The following FAM219A variants were observed in gnomAD, a reference collection of about 807,000 sequenced individuals.
FAM219A encodes the protein family with sequence similarity 219 member A.
FAM219A carries 7 observed loss-of-function variants against 23.4 expected under a neutral mutation model. The ratio of observed to expected loss-of-function variants is 0.30; its 90% confidence interval spans 0.17 to 0.56. The LOEUF (loss-of-function observed/expected upper bound fraction) is 0.56, where lower values mean the gene tolerates loss of function less well. Ranked by LOEUF, FAM219A falls within the 20% of genes least tolerant of loss-of-function variation. The pLI, the probability that FAM219A is intolerant of heterozygous loss-of-function variation, is 0.92. For synonymous variants in FAM219A, 93 were observed against 99.0 expected (o/e 0.94, Z 0.36); for missense variants, 166 against 246.9 (o/e 0.67, Z 2.20).
intron 2 of FAM219A, among the ~76,000 whole-genome samples, chr9:34,404,520 C>T (rs1316930020): frequency 6.6e-6 from 1 of 152,156 alleles, no homozygotes; most frequent in African/African-American, 2.4e-5. Flanking sequence ...CCAGCCTGGC[C>T]AACATGGCGA....
At chr9:34,454,989 C>A (rs1349464162) in intron 1 of FAM219A, among the ~76,000 whole-genome samples, 2 of 152,106 alleles carry the variant, frequency 1.3e-5, no homozygotes, top group African/African-American at 4.8e-5. Context: ...TCCCTTGAGG[C>A]TTAATGAGTC....
chr9:34,450,720 C>T (rs1823535528), intron 1 of FAM219A, among the ~76,000 whole-genome samples: 1 of 152,182 alleles, frequency 6.6e-6, no homozygotes. Context: ...CCGGCCAATT[C>T]AATAAACCTT....
chr9:34,413,842 TC>T (rs1261679300), intron 1 of FAM219A, among the ~76,000 whole-genome samples: 7 of 152,018 alleles, frequency 4.6e-5, no homozygotes, highest in Admixed American at 4.6e-4. Context: ...AAATGGGAAG[TC>T]AGGGAAGGTG....
At chr9:34,410,405 C>T (rs553258089) in intron 1 of FAM219A, among the ~76,000 whole-genome samples, 4 of 152,078 alleles carry the variant, frequency 2.6e-5, no homozygotes, top group African/African-American at 9.7e-5. Context: ...AAGGCTCATG[C>T]CTGGAGTCTT....
At chr9:34,402,139 AC>A in intron 4 of FAM219A, 2 of 1,448,764 alleles carry the variant, frequency 1.4e-6, no homozygotes, top group Non-Finnish European at 1.8e-6. Context: ...ATTAGGGACA[AC>A]CATTGGATCA....
chr9:34,458,306 G>T lies in FAM219A; in HGVS notation c.-43C>A. On this transcript the variant is annotated 5_prime_UTR_variant, in exon 1 of 6. Transcript: ENST00000651358. The surrounding 1 kb of genome is among the most constrained non-coding windows in gnomAD (Gnocchi z 6.6). ...GGGCCAGGGGCCGGGCGCGGCCGCGGACGCCGACAGGACCGCGCGGGGCGG... is the reference window on the plus strand; with the variant it reads ...GGGCCAGGGGCCGGGCGCGGCCGCGTACGCCGACAGGACCGCGCGGGGCGG... 7.6e-7 allele frequency: 1 copy of T among 1,322,084 alleles called. No individual in the cohort carries two copies. Among genetic ancestry groups the T allele is most frequent in the East Asian group, 3.2e-5 (1 of 30,952 alleles). The allele number at this position is 1,322,084 out of a possible 1,614,324, so 81.9% of individuals were successfully genotyped here.
In FAM219A at chr9:34,427,255, T is replaced by C. The variant is rs369268831; in HGVS notation, c.61-21291A>G. Among the ~76,000 whole-genome samples, 5 of 152,194 alleles carry C rather than the reference T, an allele frequency of 3.3e-5. No homozygotes were observed. In the East Asian group the frequency reaches 7.7e-4, roughly 24 times the overall value. The stretch of plus-strand genomic sequence containing the variant: ...GGCGCAATCTCGGCTCACTGCAGCC[T>C]CAGCCTCCTGGGCTCAAGTGATCCA... On this transcript the variant is annotated intron_variant, in intron 1 of 5. Coordinates refer to ENST00000651358, the MANE Select transcript of FAM219A (RefSeq NM_001184940.2).
chr9:34,405,749 C>T, intron 2 of FAM219A, 116 bp downstream of exon 2: 2 of 1,024,146 alleles, frequency 2.0e-6, no homozygotes, highest in Non-Finnish European at 2.9e-6. Flanking sequence ...GACTTGAAGG[C>T]TTGAGTCTTG....
intron 1 of FAM219A, among the ~76,000 whole-genome samples, chr9:34,436,549 G>A (rs138740238): frequency 1.4e-3 from 206 of 152,308 alleles, no homozygotes; most frequent in Non-Finnish European, 1.1e-3. Context: ...CCTGGCCTAT[G>A]ATAATTTCTT....
At position 34,399,334 on chromosome 9, in the gene FAM219A, T is replaced by A. The variant is rs1441764380; in HGVS notation, c.*1630A>T. 1 of 152,288 alleles carries A rather than the reference T, an allele frequency of 6.6e-6. No individual in the cohort carries two copies. The highest frequency in any genetic ancestry group is 1.5e-5 in the Non-Finnish European group (1 of 68,168). The allele number at this position is 152,288 out of a possible 1,614,324, so 9.4% of individuals were successfully genotyped here. A position where few individuals can be genotyped will look rare whatever the true frequency, so the allele number is the denominator to read the frequency against. On this transcript the variant is annotated 3_prime_UTR_variant, in exon 6 of 6. Coordinates refer to ENST00000651358, the MANE Select transcript of FAM219A (RefSeq NM_001184940.2). ...CACTGCCCAGCCCCAGGGGTGGGCC[T>A]TCCTCACCTCTTCCCTCTTGATTTT...
chr9:34,452,863 C>T (rs1309393863), intron 1 of FAM219A, among the ~76,000 whole-genome samples: 1 of 152,160 alleles, frequency 6.6e-6, no homozygotes, highest in Non-Finnish European at 1.5e-5. Context: ...TCATTTGGTG[C>T]TCCTGGGCCT....
intron 1 of FAM219A, among the ~76,000 whole-genome samples, chr9:34,421,007 T>TGAGAGAGAGAGAGAGAGAGAGAGA (rs761212084): frequency 2.0e-4 from 15 of 76,784 alleles, no homozygotes; most frequent in South Asian, 4.5e-4. Flanking sequence ...TGTGTGTGTG[T>TGAGAGAGAGAGAGAGAGAGAGAGA]GTGAGAGAGA....
At chr9:34,410,511 A>G (rs1303773267) in intron 1 of FAM219A, among the ~76,000 whole-genome samples, 1 of 152,212 alleles carries the variant, frequency 6.6e-6, no homozygotes, top group Non-Finnish European at 1.5e-5. Flanking sequence ...TAGGTGGCAA[A>G]AAATAAAACT....
chr9:34,453,919 A>C (rs902122356), intron 1 of FAM219A, among the ~76,000 whole-genome samples: 2 of 152,184 alleles, frequency 1.3e-5, no homozygotes, highest in South Asian at 2.1e-4. Flanking sequence ...CAATATACCG[A>C]ACTCAACCCA....
intron 1 of FAM219A, among the ~76,000 whole-genome samples, chr9:34,428,057 AG>A (rs774506643): frequency 7.2e-5 from 11 of 152,250 alleles, no homozygotes; most frequent in Non-Finnish European, 1.5e-4. Flanking sequence ...CAAATGATTA[AG>A]GCCCAACTCT....
intron 1 of FAM219A, among the ~76,000 whole-genome samples, chr9:34,422,114 T>C (rs969773835): frequency 3.3e-5 from 5 of 152,130 alleles, no homozygotes; most frequent in African/African-American, 7.2e-5. Flanking sequence ...AAAGCTCACG[T>C]TGGGGAGGCA....
In FAM219A at chr9:34,399,410, C is replaced by G. The variant is rs561363586; in HGVS notation, c.*1554G>C. 5.9e-5 allele frequency: 9 copies of G among 152,418 alleles called. No homozygotes were observed. Among genetic ancestry groups the G allele is most frequent in the Admixed American group, 2.6e-4 (4 of 15,300 alleles). 9.4% of individuals were successfully genotyped at this position (152,418 alleles called of 1,614,324 possible). On this transcript the variant is annotated 3_prime_UTR_variant, in exon 6 of 6. Coordinates refer to ENST00000651358, the MANE Select transcript of FAM219A (RefSeq NM_001184940.2). ...CCCAAACCAGCAATAGCAGAAGCAG[C>G]TGTATACACATCTTGATCTACAGAC...
chr9:34,442,668 G>C (rs1378570690), intron 1 of FAM219A, among the ~76,000 whole-genome samples: 1 of 146,064 alleles, frequency 6.8e-6, no homozygotes, highest in Non-Finnish European at 1.5e-5. Context: ...CTGGGTGACA[G>C]AGACAGACTC....
At chr9:34,406,095 G>A (rs1821627692) in intron 1 of FAM219A, 131 bp from the exon 2 acceptor site, 11 of 1,002,906 alleles carry the variant, frequency 1.1e-5, no homozygotes, top group Non-Finnish European at 1.4e-5. Context: ...AGCAGGCAGG[G>A]CATTCAGGGA....
Sources: allele counts gnomAD v4.1 joint callset (sites outside exome capture counted in the v4.1 genomes callset), GRCh38; gene constraint gnomAD v4.1.1; non-coding constraint Gnocchi (gnomAD v3.1); transcripts MANE v1.5; gene names NCBI Gene and HGNC (gene_info 2026-07-23, HGNC 2026-07-21).